The following CNIH1 variants were observed in gnomAD, a reference collection of about 807,000 sequenced individuals.
The protein encoded by CNIH1 is protein cornichon homolog 1.
CNIH1 carries 12 observed loss-of-function variants against 20.2 expected under a neutral mutation model. That is an observed-to-expected ratio of 0.59 (90% CI 0.38 to 0.96). The LOEUF (loss-of-function observed/expected upper bound fraction) is 0.96. CNIH1 is among the 40% of genes least tolerant of loss of function. The pLI, the probability that CNIH1 is intolerant of heterozygous loss-of-function variation, is 0.00. For missense variants in CNIH1, 152 were observed against 178.8 expected, an observed-to-expected ratio of 0.85 and a Z score of 0.85; for synonymous variants, 69 against 63.3, an observed-to-expected ratio of 1.09 and a Z score of -0.43.
At chr14:54,440,332 G>C (rs778681719) in intron 1 of CNIH1, among the ~76,000 whole-genome samples, 2 of 152,196 alleles carry the variant, frequency 1.3e-5, no homozygotes, top group Non-Finnish European at 2.9e-5. Context: ...TTTAATGAAT[G>C]ATTTCCAGAA....
rs149687041 is a variant in CNIH1, at chr14:54,429,497, G to A, written c.407+764C>T. 8.1e-3 allele frequency among the ~76,000 whole-genome samples: 1,237 copies of A among 152,318 alleles called. 4 individuals are homozygous for A. Among genetic ancestry groups the A allele is most frequent in the Admixed American group, 0.012 (190 of 15,300 alleles). ...AATCAGGCTGGGCGCGATGGCTCAC[G>A]CCTGTAATCCCAGTACTTTGGGAGG... On this transcript the variant is annotated intron_variant, in intron 4 of 4. Coordinates refer to ENST00000216416, the MANE Select transcript of CNIH1 (RefSeq NM_005776.3).
chr14:54,440,417 T>TA (rs1212655766), intron 1 of CNIH1, among the ~76,000 whole-genome samples: 3 of 152,218 alleles, frequency 2.0e-5, no homozygotes, highest in African/African-American at 7.2e-5. Context: ...ACAGGGAACT[T>TA]ACGACTTTTT....
Position 54,428,765 on chromosome 14 carries a change from CTTT to C in CNIH1, c.408-927_408-925del, listed in dbSNP as rs538982147. Among the ~76,000 whole-genome samples, 17 of 152,294 alleles carry C rather than the reference CTTT, an allele frequency of 1.1e-4. No individual in the cohort carries two copies. In the South Asian group the frequency reaches 3.1e-3, roughly 28 times the overall value. ...TAGAATTTCACTTTTCAGAGCACTT[CTTT>C]GTTTCATAGATGAGTAATATCTGCA... On this transcript the variant is annotated intron_variant, in intron 4 of 4. Coordinates refer to ENST00000216416, the MANE Select transcript of CNIH1 (RefSeq NM_005776.3).
intron 1 of CNIH1, 131 bp downstream of exon 1, chr14:54,441,116 G>T: frequency 1.0e-6 from 1 of 968,046 alleles, no homozygotes; most frequent in Non-Finnish European, 1.3e-6. Context: ...CTCGCCGCGC[G>T]GCCCGTGCCA....
chr14:54,438,984 CCAT>C (rs2031111817), intron 1 of CNIH1, among the ~76,000 whole-genome samples: 1 of 152,192 alleles, frequency 6.6e-6, no homozygotes, highest in African/African-American at 2.4e-5. Context: ...TACTCCCCCA[CCAT>C]GAGTGGAAGC....
intron 1 of CNIH1, among the ~76,000 whole-genome samples, chr14:54,437,048 G>C (rs545002830): frequency 6.6e-6 from 1 of 152,276 alleles, no homozygotes; most frequent in East Asian, 1.9e-4. Context: ...AGATGGATTC[G>C]AACTCTTCAA....
rs966167299 is a variant in CNIH1 at position 54,431,217 on chromosome 14, C to T, written c.264-813G>A. ...GATCTTGGCTAACTGCAAACTCTGCCTCCCAGCCTGAAGCAATTCTCTGCC... is the reference window on the plus strand; with the variant it reads ...GATCTTGGCTAACTGCAAACTCTGCTTCCCAGCCTGAAGCAATTCTCTGCC... On this transcript the variant is annotated intron_variant, in intron 3 of 4. Transcript: ENST00000216416. 4.6e-5 allele frequency among the ~76,000 whole-genome samples: 7 copies of T among 152,114 alleles called. No homozygotes were observed. The East Asian group carries it at 1.4e-3, about 29-fold the overall frequency.
At chr14:54,435,615 C>G (rs2031039186) in intron 2 of CNIH1, among the ~76,000 whole-genome samples, 1 of 152,106 alleles carries the variant, frequency 6.6e-6, no homozygotes, top group African/African-American at 2.4e-5. Flanking sequence ...CCCAGAGCCC[C>G]CAGAACAGAG....
chr14:54,427,428 ACT>A lies in CNIH1; in HGVS notation c.*384_*385del, dbSNP rs970893250. The A allele has an allele frequency of 5.7e-6, 1 of 173,996 alleles. No individual in the cohort carries two copies. Among genetic ancestry groups the A allele is most frequent in the African/African-American group, 2.4e-5 (1 of 42,304 alleles). The allele number at this position is 173,996 out of a possible 1,614,324, so 10.8% of individuals were successfully genotyped here. On this transcript the variant is annotated 3_prime_UTR_variant, in exon 5 of 5. Transcript: ENST00000216416. ...ATCTACAGCTAATTTATAATTAGAT[ACT>A]GTTTCAATGAAACCAAAATGAGCCC...
chr14:54,431,512 T>C (rs938754640), intron 3 of CNIH1, among the ~76,000 whole-genome samples: 2 of 152,220 alleles, frequency 1.3e-5, no homozygotes, highest in Non-Finnish European at 2.9e-5. Flanking sequence ...ATATGTCTCC[T>C]AAAATCAAGG....
chr14:54,435,642 C>T (rs892967180), intron 2 of CNIH1, among the ~76,000 whole-genome samples: 27 of 152,178 alleles, frequency 1.8e-4, no homozygotes, highest in Admixed American at 1.2e-3. Context: ...ACCTAACAGG[C>T]TCTGAATAAA....
intron 2 of CNIH1, among the ~76,000 whole-genome samples, chr14:54,433,484 C>T (rs1321907454): frequency 1.3e-5 from 2 of 152,126 alleles, no homozygotes; most frequent in African/African-American, 2.4e-5. Context: ...AGGATAAACT[C>T]GGCATATGTA....
At chr14:54,432,733 A>G (rs2030974312) in intron 2 of CNIH1, among the ~76,000 whole-genome samples, 1 of 152,242 alleles carries the variant, frequency 6.6e-6, no homozygotes, top group African/African-American at 2.4e-5. Flanking sequence ...GCATTCCCAC[A>G]GAAGTAATTT....
intron 2 of CNIH1, among the ~76,000 whole-genome samples, chr14:54,435,904 A>G (rs2031045461): frequency 6.6e-6 from 1 of 152,332 alleles, no homozygotes; most frequent in African/African-American, 2.4e-5. Flanking sequence ...AGCTTTCCCT[A>G]CTTGACTGGG....
At chr14:54,430,500 G>T in intron 3 of CNIH1, 96 bp from the exon 4 acceptor site, 1 of 1,154,708 alleles carries the variant, frequency 8.7e-7, no homozygotes, top group Non-Finnish European at 1.2e-6. Flanking sequence ...TACGAGAGGT[G>T]GTCCATAAAG....
At chr14:54,440,311 T>C (rs1168771886) in intron 1 of CNIH1, among the ~76,000 whole-genome samples, 3 of 152,160 alleles carry the variant, frequency 2.0e-5, no homozygotes, top group Non-Finnish European at 2.9e-5. Context: ...GAAGCAAGTA[T>C]GAGATAAATT....
chr14:54,432,874 A>T (rs1186848993), intron 2 of CNIH1, among the ~76,000 whole-genome samples: 1 of 152,144 alleles, frequency 6.6e-6, no homozygotes, highest in Non-Finnish European at 1.5e-5. Context: ...TGAAATTAAG[A>T]TTTTCCAGGT....
chr14:54,441,370 G>C lies in CNIH1; in HGVS notation c.-43C>G. ...GGGGAGCGGCGCCGTTGCCAGCGGA[G>C]AAAGGCGGCGCAGGGCCCTCTGGGT... On this transcript the variant is annotated 5_prime_UTR_variant, in exon 1 of 5. Coordinates refer to ENST00000216416, the MANE Select transcript of CNIH1 (RefSeq NM_005776.3). 1 of 1,469,854 alleles carries C rather than the reference G, an allele frequency of 6.8e-7. No individual in the cohort carries two copies. Among genetic ancestry groups the C allele is most frequent in the Non-Finnish European group, 9.1e-7 (1 of 1,098,566 alleles). The allele number at this position is 1,469,854 out of a possible 1,614,324, so 91.1% of individuals were successfully genotyped here. A position where few individuals can be genotyped will look rare whatever the true frequency, so the allele number is the denominator to read the frequency against.
At chr14:54,431,243 T>C (rs2030937426) in intron 3 of CNIH1, among the ~76,000 whole-genome samples, 1 of 152,094 alleles carries the variant, frequency 6.6e-6, no homozygotes, top group African/African-American at 2.4e-5. Flanking sequence ...ATTCTCTGCC[T>C]CAGCTTCCCA....
Sources: gnomAD v4.1 joint callset for allele counts (sites outside exome capture counted in the v4.1 genomes callset) on GRCh38, gnomAD v4.1.1 for gene constraint, MANE v1.5 for transcripts, NCBI Gene and HGNC (gene_info 2026-07-23, HGNC 2026-07-21) for gene names.